The following EXOC6B variants were observed in gnomAD, a reference collection of about 807,000 sequenced individuals.
EXOC6B encodes exocyst complex component 6B.
Under a neutral mutation model 113.5 loss-of-function variants are expected in EXOC6B, and 54 were observed. The ratio of observed to expected loss-of-function variants is 0.48; its 90% CI spans 0.38 to 0.60. The LOEUF is 0.60. Among genes scored for constraint, EXOC6B ranks in the 20% least tolerant of loss-of-function variants. EXOC6B has a pLI of 0.00. For synonymous variants in EXOC6B, 357 were observed against 339.0 expected (o/e 1.05, Z -0.58); for missense variants, 797 against 977.5 (o/e 0.82, Z 2.46).
At chr2:72,702,116 C>A (rs1323185454) in intron 6 of EXOC6B, among the ~76,000 whole-genome samples, 2 of 150,508 alleles carry the variant, frequency 1.3e-5, no homozygotes, top group Non-Finnish European at 3.0e-5. Context: ...ATTCCCCTTC[C>A]TGTGTCCATG....
chr2:72,253,547 A>G (rs180885287), intron 20 of EXOC6B, among the ~76,000 whole-genome samples: 1 of 152,350 alleles, frequency 6.6e-6, no homozygotes, highest in African/African-American at 2.4e-5. Context: ...CTTTGCAGCA[A>G]CCTGGATGGA....
At chr2:72,381,055 C>T (rs913333756) in intron 18 of EXOC6B, among the ~76,000 whole-genome samples, 2 of 152,158 alleles carry the variant, frequency 1.3e-5, no homozygotes, top group Admixed American at 6.5e-5. Flanking sequence ...GTGTGACCTC[C>T]TTAATCATGT....
chr2:72,791,922 T>C (rs983975488), intron 1 of EXOC6B, among the ~76,000 whole-genome samples: 2 of 152,218 alleles, frequency 1.3e-5, no homozygotes, highest in Non-Finnish European at 2.9e-5. Context: ...GAAACATAGA[T>C]TCCAAATAAT....
intron 8 of EXOC6B, among the ~76,000 whole-genome samples, chr2:72,531,471 C>A (rs1444164118): frequency 6.6e-6 from 1 of 152,194 alleles, no homozygotes. Context: ...CTCTTAACAA[C>A]TGTAAAATAT....
chr2:72,237,479 T>A (rs1009885001), intron 20 of EXOC6B, among the ~76,000 whole-genome samples: 1 of 152,004 alleles, frequency 6.6e-6, no homozygotes. Context: ...AAAAAAAATA[T>A]GCAAAGAAAC....
At chr2:72,645,256 T>C (rs1673615424) in intron 6 of EXOC6B, among the ~76,000 whole-genome samples, 1 of 152,148 alleles carries the variant, frequency 6.6e-6, no homozygotes, top group South Asian at 2.1e-4. Flanking sequence ...TAAATATATA[T>C]GCACCCAATA....
chr2:72,295,192 C>G (rs1686051441), intron 20 of EXOC6B, among the ~76,000 whole-genome samples: 1 of 146,196 alleles, frequency 6.8e-6, no homozygotes, highest in Non-Finnish European at 1.5e-5. Flanking sequence ...GATCGCACCA[C>G]TACACTCCAG....
At chr2:72,695,529 C>CA (rs961854431) in intron 6 of EXOC6B, among the ~76,000 whole-genome samples, 3 of 150,244 alleles carry the variant, frequency 2.0e-5, no homozygotes, top group Middle Eastern at 3.4e-3. Context: ...ATACTTTTTT[C>CA]AAAAAAAGAA....
At chr2:72,818,036 A>G (rs1429151164) in intron 1 of EXOC6B, among the ~76,000 whole-genome samples, 1 of 152,032 alleles carries the variant, frequency 6.6e-6, no homozygotes, top group Non-Finnish European at 1.5e-5. Flanking sequence ...CAGTGGTGCG[A>G]TCTCCACTCA....
At chr2:72,779,037 C>T (rs1399517358) in intron 1 of EXOC6B, among the ~76,000 whole-genome samples, 2 of 151,844 alleles carry the variant, frequency 1.3e-5, no homozygotes, top group East Asian at 3.9e-4. Context: ...AAAACAATAG[C>T]TCATGTTTCT....
chr2:72,756,001 G>T (rs929494965), intron 1 of EXOC6B, among the ~76,000 whole-genome samples: 5 of 152,224 alleles, frequency 3.3e-5, no homozygotes, highest in South Asian at 4.2e-4. Context: ...AAACATCATG[G>T]TTATATGCTC....
intron 6 of EXOC6B, among the ~76,000 whole-genome samples, chr2:72,685,793 G>C (rs963728367): frequency 1.3e-5 from 2 of 152,186 alleles, no homozygotes; most frequent in Non-Finnish European, 2.9e-5. Context: ...ATGCCTAAAA[G>C]GCATTTCAGC....
intron 20 of EXOC6B, among the ~76,000 whole-genome samples, chr2:72,230,837 G>A (rs1284194653): frequency 6.6e-6 from 1 of 152,024 alleles, no homozygotes; most frequent in Non-Finnish European, 1.5e-5. Flanking sequence ...GTCAGATAGA[G>A]GATATTTTAG....
At chr2:72,419,213 T>C (rs1356283382) in intron 18 of EXOC6B, among the ~76,000 whole-genome samples, 1 of 152,218 alleles carries the variant, frequency 6.6e-6, no homozygotes, top group Non-Finnish European at 1.5e-5. Context: ...TCATAAATTA[T>C]GTAGAAAACA....
At chr2:72,612,431 A>G (rs1201642518) in intron 6 of EXOC6B, among the ~76,000 whole-genome samples, 1 of 152,030 alleles carries the variant, frequency 6.6e-6, no homozygotes, top group African/African-American at 2.4e-5. Flanking sequence ...TCCATTATCA[A>G]TTCCCTCCTT....
intron 6 of EXOC6B, among the ~76,000 whole-genome samples, chr2:72,654,198 C>T (rs971326289): frequency 1.3e-5 from 2 of 152,166 alleles, no homozygotes; most frequent in African/African-American, 2.4e-5. Context: ...TCTCGATCTC[C>T]TGACCTTGTG....
intron 8 of EXOC6B, among the ~76,000 whole-genome samples, chr2:72,519,779 G>A (rs1216524928): frequency 6.6e-6 from 1 of 152,148 alleles, no homozygotes; most frequent in Non-Finnish European, 1.5e-5. Context: ...ACTTCCAAGT[G>A]CCAAGTGTTT....
chr2:72,460,749 C>A (rs1460373350), intron 18 of EXOC6B, among the ~76,000 whole-genome samples: 2 of 152,092 alleles, frequency 1.3e-5, no homozygotes, highest in Non-Finnish European at 2.9e-5. Context: ...AACACTTTTA[C>A]ACTGTTGGTG....
intron 20 of EXOC6B, among the ~76,000 whole-genome samples, chr2:72,272,954 C>A (rs1326991438): frequency 1.3e-5 from 2 of 152,098 alleles, no homozygotes; most frequent in Non-Finnish European, 2.9e-5. Context: ...TGAGACACTG[C>A]ATTAAGGAGA....
Sources: allele counts gnomAD v4.1 joint callset (sites outside exome capture counted in the v4.1 genomes callset), GRCh38; gene constraint gnomAD v4.1.1; transcripts MANE v1.5; gene names NCBI Gene and HGNC (gene_info 2026-07-23, HGNC 2026-07-21).